CMYA5: variants seen among roughly 807,000 people sequenced by gnomAD.
CMYA5 encodes the protein cardiomyopathy-associated protein 5.
A neutral mutation model predicts 318.9 loss-of-function variants in CMYA5; 246 were observed. The observed-to-expected ratio is 0.77, with a 90% CI of 0.70 to 0.86. The LOEUF is 0.86. Ranked by LOEUF, CMYA5 falls within the 40% of genes least tolerant of loss-of-function variation. The pLI is 0.00. For missense variants in CMYA5, 4,589 were observed against 4,678.2 expected, an observed-to-expected ratio of 0.98 and a Z score of 0.56; for synonymous variants, 1,641 against 1,729.5, an observed-to-expected ratio of 0.95 and a Z score of 1.27.
In CMYA5 at chr5:79,738,425, G is replaced by C; in HGVS notation, c.9660G>C (p.Glu3220Asp). Residue 3220 changes from glutamate (E) to aspartate (D), a missense_variant, in exon 2 of 13, where the codon GAG becomes GAC. Physicochemically the swap from Glu to Asp is conservative, Grantham distance 45 (BLOSUM62 2). Around this residue, in one of 3 missense-constraint regions of CMYA5, gnomAD observed 2,431 missense variants for 2,495.1 expected, o/e 0.97. Coordinates refer to ENST00000446378, the MANE Select transcript of CMYA5 (RefSeq NM_153610.5). ...TASEGDSVNS[E>D]ASFPSRNSDT... The stretch of plus-strand genomic sequence containing the variant: ...CTGAAGGTGACAGTGTGAATTCTGA[G>C]GCATCATTTCCCAGCAGAAATTCTG... 1 of 1,613,706 alleles carries C rather than the reference G, an allele frequency of 6.2e-7. No homozygotes were observed. The highest frequency in any genetic ancestry group is 8.5e-7 in the Non-Finnish European group (1 of 1,179,840).
At chr5:79,757,456 A>T (rs1828553008) in intron 6 of CMYA5, among the ~76,000 whole-genome samples, 1 of 152,202 alleles carries the variant, frequency 6.6e-6, no homozygotes, top group Admixed American at 6.5e-5. Context: ...ATGTATGCTG[A>T]ATCAGTAGGC....
intron 9 of CMYA5, among the ~76,000 whole-genome samples, chr5:79,770,338 G>C (rs533096626): frequency 1.5e-4 from 23 of 152,204 alleles, no homozygotes; most frequent in African/African-American, 5.5e-4. Context: ...TGTTCCAGGA[G>C]CCACTGGGTT....
Position 79,728,972 on chromosome 5 carries a change from C to T in CMYA5, c.207C>T (p.Pro69=), listed in dbSNP as rs771161164. ...KIKQEYIISD[P]SFSMVTVQRE... ...AGCAGGAGTATATCATATCTGACCC[C>T]TCCTTTTCCATGGTGACAGTCCAAA... is the stretch of plus-strand genomic sequence containing the variant. Residue 69 remains proline (P), a synonymous_variant, in exon 2 of 13, where the codon CCC becomes CCT. Coordinates refer to ENST00000446378, the MANE Select transcript of CMYA5 (RefSeq NM_153610.5). The T allele has an allele frequency of 3.7e-6, 6 of 1,613,404 alleles. No homozygotes were observed. The East Asian group carries it at 1.3e-4, about 36-fold the overall frequency.
At chr5:79,707,811 T>C (rs1292357165) in intron 1 of CMYA5, among the ~76,000 whole-genome samples, 1 of 152,228 alleles carries the variant, frequency 6.6e-6, no homozygotes, top group Non-Finnish European at 1.5e-5. Context: ...CGTACTGCTA[T>C]ACCAAAATAC....
In CMYA5 at chr5:79,799,502, C is replaced by T. The variant is rs1255117463; in HGVS notation, c.12096C>T (p.Phe4032=). The T allele has an allele frequency of 2.5e-6, 4 of 1,613,890 alleles. No individual in the cohort carries two copies. In the Admixed American group the frequency reaches 6.7e-5, roughly 27 times the overall value. The change falls in exon 13 of 13, where the codon TTC becomes TTT. Residue 4032 remains phenylalanine, a synonymous_variant. Transcript: ENST00000446378. ...FINAESEQLL[F]IIRHRFNEGV... ...ACGCAGAGAGCGAGCAGTTGCTCTT[C>T]ATCATCAGGCACAGGTTTAATGAGG...
chr5:79,761,681 A>C (rs960251218), intron 7 of CMYA5, 130 bp from the exon 8 acceptor site: 9 of 924,726 alleles, frequency 9.7e-6, no homozygotes, highest in Non-Finnish European at 1.4e-5. Flanking sequence ...TGGTTTTCAC[A>C]TAATGGTATC....
At chr5:79,700,346 C>T (rs1016797998) in intron 1 of CMYA5, among the ~76,000 whole-genome samples, 5 of 150,290 alleles carry the variant, frequency 3.3e-5, no homozygotes, top group Non-Finnish European at 7.4e-5. Flanking sequence ...CCAGAATCTT[C>T]GCCAGTTAGT....
At position 79,734,271 on chromosome 5, in the gene CMYA5, T is replaced by C; in HGVS notation, c.5506T>C (p.Leu1836=). The change falls in exon 2 of 13, where the codon TTA becomes CTA. Residue 1836 remains leucine, a synonymous_variant. Coordinates refer to ENST00000446378, the MANE Select transcript of CMYA5 (RefSeq NM_153610.5). ...KALHSDQTVK[L]PDVSTSSEDK... ...ACTTCATTCAGATCAAACTGTTAAA[T>C]TACCTGATGTAAGCACCTCTTCTGA... 6.2e-7 allele frequency: 1 copy of C among 1,613,524 alleles called. No homozygotes were observed. Among genetic ancestry groups the C allele is most frequent in the Non-Finnish European group, 8.5e-7 (1 of 1,179,758 alleles).
At chr5:79,791,182 G>T (rs1829172165) in intron 11 of CMYA5, 113 bp downstream of exon 11, 7 of 679,644 alleles carry the variant, frequency 1.0e-5, no homozygotes, top group African/African-American at 1.8e-5. Context: ...GAACATGTCG[G>T]GATGTGGTCT....
At chr5:79,793,390 G>C in intron 11 of CMYA5, 47 bp from the exon 12 acceptor site, 1 of 1,551,594 alleles carries the variant, frequency 6.4e-7, no homozygotes. Context: ...TGAGATACAG[G>C]CCGGCGATTC....
Position 79,732,841 on chromosome 5 carries a change from C to T in CMYA5, c.4076C>T (p.Thr1359Ile). ...TCCTCAACAACTACAGCATCTGTAA[C>T]TAAGCTTGATTCAAACTTAACCAGA... is the stretch of plus-strand genomic sequence containing the variant. ...PSSSTTTASVTKLDSNLTRAV... is the reference protein window; with the variant it reads ...PSSSTTTASVIKLDSNLTRAV... Residue 1359 changes from threonine to isoleucine, a missense_variant, in exon 2 of 13, where the codon ACT becomes ATT. Coordinates refer to ENST00000446378, the MANE Select transcript of CMYA5 (RefSeq NM_153610.5). 2 of 1,613,684 alleles carry T rather than the reference C, an allele frequency of 1.2e-6. No homozygotes were observed. Among genetic ancestry groups the T allele is most frequent in the Non-Finnish European group, 1.7e-6 (2 of 1,179,778 alleles).
In CMYA5 at chr5:79,763,228, G is replaced by A; in HGVS notation, c.11555+19G>A. 1 of 1,574,236 alleles carries A rather than the reference G, an allele frequency of 6.4e-7. No individual in the cohort carries two copies. The highest frequency in any genetic ancestry group is 8.6e-7 in the Non-Finnish European group (1 of 1,162,384). On this transcript the variant is annotated intron_variant, in intron 9 of 12. Coordinates refer to ENST00000446378, the MANE Select transcript of CMYA5 (RefSeq NM_153610.5). ...GCCTCAGGTGAGGGGCCCTCTCCAT[G>A]GGAGAGACTGCCCAGAGCCCAGTAA...
At position 79,730,159 on chromosome 5, in the gene CMYA5, G is replaced by A; in HGVS notation, c.1394G>A (p.Arg465Lys). ...QEQPDLTSIE[R>K]AEPVSAKLTP... Reference sequence around the variant, plus strand: ...CAGCCGGACCTGACTTCAATAGAAAGGGCAGAACCAGTCTCCGCAAAACTG... The same window carrying A: ...CAGCCGGACCTGACTTCAATAGAAAAGGCAGAACCAGTCTCCGCAAAACTG... The change falls in exon 2 of 13, where the codon AGG becomes AAG. Residue 465 changes from arginine (R) to lysine (K), a missense_variant. Around this residue, in one of 3 missense-constraint regions of CMYA5, gnomAD observed 2,132 missense variants for 2,131.3 expected, o/e 1.00. Transcript: ENST00000446378. 3 of 1,613,886 alleles carry A rather than the reference G, an allele frequency of 1.9e-6. No homozygotes were observed. The highest frequency in any genetic ancestry group is 2.5e-6 in the Non-Finnish European group (3 of 1,179,884).
intron 2 of CMYA5, among the ~76,000 whole-genome samples, chr5:79,741,894 TGAGAAGGA>T (rs532124876): frequency 2.0e-5 from 3 of 152,124 alleles, no homozygotes; most frequent in Non-Finnish European, 4.4e-5. Flanking sequence ...CTAAACAGTA[TGAGAAGGA>T]GAAGGTGGGA....
At chr5:79,797,787 C>T (rs1829299694) in intron 12 of CMYA5, among the ~76,000 whole-genome samples, 1 of 152,188 alleles carries the variant, frequency 6.6e-6, no homozygotes, top group African/African-American at 2.4e-5. Context: ...ATGTCCTGTC[C>T]AAACCCAAGA....
In CMYA5 at chr5:79,789,231, T is replaced by A; in HGVS notation, c.11689+127T>A. 2.8e-6 allele frequency: 3 copies of A among 1,084,294 alleles called. No homozygotes were observed. In the Admixed American group the frequency reaches 7.3e-5, roughly 26 times the overall value. The allele number at this position is 1,084,294 out of a possible 1,614,324, so 67.2% of individuals were successfully genotyped here. On this transcript the variant is annotated intron_variant, in intron 10 of 12. Transcript: ENST00000446378. ...TACTGTCAGTGGTAGGTTTTTGTCA[T>A]GAGGACCCAAGGTTGGTCAAAGGTC...
chr5:79,775,977 A>G (rs922438856), intron 9 of CMYA5, among the ~76,000 whole-genome samples: 3 of 152,220 alleles, frequency 2.0e-5, no homozygotes, highest in African/African-American at 7.2e-5. Flanking sequence ...ACAAAAATCT[A>G]GAATCTTTCT....
chr5:79,712,056 C>T (rs918851659), intron 1 of CMYA5, among the ~76,000 whole-genome samples: 16 of 152,102 alleles, frequency 1.1e-4, no homozygotes, highest in South Asian at 2.1e-4. Context: ...CAAACAGGCC[C>T]GGAGAACCAA....
intron 4 of CMYA5, 67 bp from the exon 5 acceptor site, chr5:79,747,024 T>C: frequency 2.1e-6 from 2 of 960,372 alleles, no homozygotes; most frequent in Non-Finnish European, 3.2e-6. Context: ...GTTAATTAGC[T>C]TCTCTCTCTC....
Sources: allele counts gnomAD v4.1 joint callset (sites outside exome capture counted in the v4.1 genomes callset), GRCh38; gene constraint gnomAD v4.1.1; regional missense constraint gnomAD v4.1.1; transcripts MANE v1.5; gene names NCBI Gene and HGNC (gene_info 2026-07-23, HGNC 2026-07-21).